Variants in RAB38 observed in about 807,000 individuals in gnomAD.
RAB38 encodes the protein ras-related protein Rab-38.
A neutral mutation model predicts 18.4 loss-of-function variants in RAB38; 15 were observed. The ratio of observed to expected loss-of-function variants is 0.82; its 90% CI spans 0.55 to 1.26. RAB38 has a LOEUF of 1.26. Ranked by LOEUF, RAB38 falls within the 50% of genes most tolerant of loss-of-function variation. The pLI is 0.00. For synonymous variants in RAB38, 101 were observed against 104.4 expected (o/e 0.97, Z 0.20); for missense variants, 294 against 267.4 (o/e 1.10, Z -0.69).
chr11:88,175,005 A>G (rs191905530), intron 1 of RAB38, among the ~76,000 whole-genome samples, 178 bp downstream of exon 1: 3 of 152,362 alleles, frequency 2.0e-5, no homozygotes, highest in Admixed American at 1.3e-4. Context: ...GCGCCAGGGA[A>G]TGCACTTGAA....
At chr11:87,919,741 G>A in the RAB38 span, among the ~76,000 whole-genome samples, 3 of 151,916 alleles carry the variant, frequency 2.0e-5, no homozygotes, top group Non-Finnish European at 4.4e-5. Context: ...AGATTTTTCT[G>A]TGATGGGAGA....
chr11:88,093,886 T>TA, the RAB38 span, among the ~76,000 whole-genome samples: 1 of 151,936 alleles, frequency 6.6e-6, no homozygotes, highest in Non-Finnish European at 1.5e-5. Flanking sequence ...CCAGATGTCC[T>TA]ACCCACTTTT....
At chr11:87,880,263 C>T in the RAB38 span, among the ~76,000 whole-genome samples, 1 of 151,702 alleles carries the variant, frequency 6.6e-6, no homozygotes, top group Non-Finnish European at 1.5e-5. Context: ...TGTTTTGTAG[C>T]CCTCTTACAA....
At chr11:88,025,654 T>C in the RAB38 span, among the ~76,000 whole-genome samples, 1 of 152,238 alleles carries the variant, frequency 6.6e-6, no homozygotes, top group Non-Finnish European at 1.5e-5. Flanking sequence ...TTCATATGTA[T>C]GTTGGCTACT....
the RAB38 span, among the ~76,000 whole-genome samples, chr11:88,106,768 A>T: frequency 6.6e-6 from 1 of 152,160 alleles, no homozygotes; most frequent in Non-Finnish European, 1.5e-5. Context: ...GTTTATCAGC[A>T]TTTCTGACCG....
At chr11:88,116,593 A>T (rs530961231) in intron 2 of RAB38, among the ~76,000 whole-genome samples, 1 of 152,350 alleles carries the variant, frequency 6.6e-6, no homozygotes, top group African/African-American at 2.4e-5. Flanking sequence ...GGCTTTTGCT[A>T]AGCTGCATTC....
chr11:88,119,272 C>A (rs547044271), intron 2 of RAB38, among the ~76,000 whole-genome samples: 1 of 152,208 alleles, frequency 6.6e-6, no homozygotes, highest in South Asian at 2.1e-4. Context: ...ATTCATACTC[C>A]TAACCTCTGC....
At chr11:88,161,302 C>A (rs1943187352) in intron 1 of RAB38, among the ~76,000 whole-genome samples, 1 of 152,060 alleles carries the variant, frequency 6.6e-6, no homozygotes, top group South Asian at 2.1e-4. Flanking sequence ...TGAATTCCCT[C>A]CTCATCTCTA....
the RAB38 span, among the ~76,000 whole-genome samples, chr11:87,910,633 C>CTTTT: frequency 1.3e-4 from 17 of 131,178 alleles, 1 homozygote; most frequent in South Asian, 2.3e-4. Context: ...AGTTCATTTT[C>CTTTT]TTTTTTTTTT....
At chr11:87,821,504 G>A in the RAB38 span, among the ~76,000 whole-genome samples, 234 of 152,290 alleles carry the variant, frequency 1.5e-3, no homozygotes, top group African/African-American at 5.1e-3. Context: ...ACTGCAAGAA[G>A]CCAAAGCAAA....
At chr11:88,117,897 C>T (rs1484206821) in intron 2 of RAB38, among the ~76,000 whole-genome samples, 3 of 152,214 alleles carry the variant, frequency 2.0e-5, no homozygotes, top group African/African-American at 7.2e-5. Context: ...ATATTCTCCT[C>T]ATACAAGTTA....
the RAB38 span, among the ~76,000 whole-genome samples, chr11:88,086,959 C>G: frequency 6.8e-6 from 1 of 146,316 alleles, no homozygotes; most frequent in South Asian, 2.1e-4. Flanking sequence ...GCAGGCTGGA[C>G]AATGCTATGG....
the RAB38 span, among the ~76,000 whole-genome samples, chr11:87,860,178 A>G: frequency 1.3e-5 from 2 of 152,022 alleles, no homozygotes; most frequent in South Asian, 4.1e-4. Context: ...GAAAGGAATC[A>G]TAAGGATGTT....
chr11:87,969,460 T>C, the RAB38 span, among the ~76,000 whole-genome samples: 1 of 152,156 alleles, frequency 6.6e-6, no homozygotes, highest in Non-Finnish European at 1.5e-5. Context: ...GTATAATAGC[T>C]GTATTACCTA....
the RAB38 span, among the ~76,000 whole-genome samples, chr11:87,868,608 A>AAG: frequency 1.1e-3 from 117 of 103,058 alleles, 3 homozygotes; most frequent in Middle Eastern, 6.3e-3. Context: ...AGAGAGAGAG[A>AAG]GAGAGAGAGA....
the RAB38 span, among the ~76,000 whole-genome samples, chr11:87,858,044 G>A: frequency 3.3e-5 from 5 of 152,106 alleles, no homozygotes; most frequent in Middle Eastern, 3.4e-3. Flanking sequence ...TTTTGTATAC[G>A]GTGTAAGGAA....
the RAB38 span, among the ~76,000 whole-genome samples, chr11:88,006,202 G>T: frequency 6.6e-6 from 1 of 151,252 alleles, no homozygotes; most frequent in African/African-American, 2.4e-5. Context: ...AATCTCCAGG[G>T]AAATGCAAAT....
chr11:87,941,244 T>G, the RAB38 span, among the ~76,000 whole-genome samples: 3 of 135,064 alleles, frequency 2.2e-5, no homozygotes, highest in Non-Finnish European at 3.2e-5. Flanking sequence ...TATATATATA[T>G]ATGTAACTTC....
chr11:88,173,702 G>C, intron 1 of RAB38: 1 of 982,080 alleles, frequency 1.0e-6, no homozygotes, highest in South Asian at 4.7e-5. Flanking sequence ...CAGCAAGAAA[G>C]TACACAGAGA....
Sources: allele counts gnomAD v4.1 joint callset (sites outside exome capture counted in the v4.1 genomes callset), GRCh38; gene constraint gnomAD v4.1.1; transcripts MANE v1.5; gene names NCBI Gene and HGNC (gene_info 2026-07-23, HGNC 2026-07-21).